Variants in BRINP1 observed in about 807,000 individuals in gnomAD.
BRINP1 encodes the protein BMP/retinoic acid-inducible neural-specific protein 1.
In BRINP1, 17 loss-of-function variants were observed where a neutral mutation model predicts 72.9. The ratio of observed to expected loss-of-function variants is 0.23; its 90% CI spans 0.16 to 0.35. The LOEUF (loss-of-function observed/expected upper bound fraction) is 0.35. BRINP1 is among the 10% of genes least tolerant of loss of function. BRINP1 has a pLI of 1.00. For missense variants in BRINP1, 850 were observed against 1,001.6 expected (o/e 0.85, Z 2.04); for synonymous variants, 418 against 378.5 (o/e 1.10, Z -1.21).
rs1829498854 is a variant in BRINP1, at chr9:119,177,163, T to C, written c.1146-8939A>G. Among the ~76,000 whole-genome samples, 11 of 152,274 alleles carry C rather than the reference T, an allele frequency of 7.2e-5. No individual in the cohort carries two copies. In the South Asian group the frequency reaches 2.1e-3, roughly 29 times the overall value. ...ATATTCATATTTTTCTTGTTAGTTTTCATTTAAAAAAGGAAAAACAAACTT... is the reference window on the plus strand; with the variant it reads ...ATATTCATATTTTTCTTGTTAGTTTCCATTTAAAAAAGGAAAAACAAACTT... On this transcript the variant is annotated intron_variant, in intron 7 of 7. Coordinates refer to ENST00000265922, the MANE Select transcript of BRINP1 (RefSeq NM_014618.3).
chr9:119,265,604 AAAAC>A (rs200640638), intron 2 of BRINP1, among the ~76,000 whole-genome samples: 62 of 152,152 alleles, frequency 4.1e-4, no homozygotes, highest in Admixed American at 2.0e-3. Flanking sequence ...CTCAATTACC[AAAAC>A]AAACAAACAA....
In BRINP1 at chr9:119,368,246, C is replaced by G. The variant is rs557388620; in HGVS notation, c.-51+810G>C. 7.9e-5 allele frequency among the ~76,000 whole-genome samples: 12 copies of G among 152,176 alleles called. No individual in the cohort carries two copies. The highest frequency in any genetic ancestry group is 2.0e-4 in the Admixed American group (3 of 15,284). Reference sequence around the variant, plus strand: ...TCCAAGCCCCAGATAAGGAGCCCACCGCTGACTTCCCCCTTTCTCTGTCAC... The same window carrying G: ...TCCAAGCCCCAGATAAGGAGCCCACGGCTGACTTCCCCCTTTCTCTGTCAC... On this transcript the variant is annotated intron_variant, in intron 1 of 7. Coordinates refer to ENST00000265922, the MANE Select transcript of BRINP1 (RefSeq NM_014618.3). The surrounding 1 kb of genome is among the most constrained non-coding windows in gnomAD (Gnocchi z 4.7).
rs1184936193 is a variant in BRINP1, at chr9:119,235,299, T to G, written c.685+3356A>C. On this transcript the variant is annotated intron_variant, in intron 5 of 7. Transcript: ENST00000265922. Reference sequence around the variant, plus strand: ...TGTGCTGCAGAAGCCTTCTAGGACTTGAAAGATTATCTTGTCTTTCTCACC... The same window carrying G: ...TGTGCTGCAGAAGCCTTCTAGGACTGGAAAGATTATCTTGTCTTTCTCACC... Among the ~76,000 whole-genome samples the G allele has an allele frequency of 2.6e-5, 4 of 152,358 alleles. No homozygotes were observed. The East Asian group carries it at 7.7e-4, about 29-fold the overall frequency.
At chr9:119,205,475 CAGA>C (rs1283970409) in intron 7 of BRINP1, among the ~76,000 whole-genome samples, 7 of 152,098 alleles carry the variant, frequency 4.6e-5, no homozygotes, top group Non-Finnish European at 8.8e-5. Flanking sequence ...TGACGACTTG[CAGA>C]AGGAGAGCAG....
intron 7 of BRINP1, among the ~76,000 whole-genome samples, chr9:119,199,311 A>G (rs1829778842): frequency 6.6e-6 from 1 of 152,228 alleles, no homozygotes; most frequent in African/African-American, 2.4e-5. Flanking sequence ...AATCAAAATC[A>G]GTATGAATAT....
Position 119,308,275 on chromosome 9 carries a change from A to G in BRINP1, c.218+4863T>C, listed in dbSNP as rs868605808. On this transcript the variant is annotated intron_variant, in intron 2 of 7. Transcript: ENST00000265922. ...TTCGACTACTTTATGCCACACTAATAGAAATCTAGCTCTTTTACTGCATGA... is the reference window on the plus strand; with the variant it reads ...TTCGACTACTTTATGCCACACTAATGGAAATCTAGCTCTTTTACTGCATGA... Among the ~76,000 whole-genome samples, 4 of 152,342 alleles carry G rather than the reference A, an allele frequency of 2.6e-5. No individual in the cohort carries two copies. In the South Asian group the frequency reaches 6.2e-4, roughly 24 times the overall value.
At position 119,168,789 on chromosome 9, in the gene BRINP1, CATG is replaced by C. The variant is rs1447339252; in HGVS notation, c.1146-568_1146-566del. Reference sequence around the variant, plus strand: ...TCTATTGATGATCTTACATGATCCTCATGGTGGTTTTTTAGAACATGTTAGAAA... The same window carrying C: ...TCTATTGATGATCTTACATGATCCTCGTGGTTTTTTAGAACATGTTAGAAA... On this transcript the variant is annotated intron_variant, in intron 7 of 7. Transcript: ENST00000265922. 3.3e-5 allele frequency among the ~76,000 whole-genome samples: 5 copies of C among 152,154 alleles called. No individual in the cohort carries two copies. In the East Asian group the frequency reaches 9.7e-4, roughly 29 times the overall value.
intron 2 of BRINP1, among the ~76,000 whole-genome samples, chr9:119,307,417 A>G (rs749841282): frequency 2.0e-4 from 31 of 152,126 alleles, no homozygotes; most frequent in Admixed American, 1.3e-4. Context: ...TCTGCCCTCT[A>G]TTGAGGTTTG....
intron 2 of BRINP1, among the ~76,000 whole-genome samples, chr9:119,269,860 TA>T (rs869067412): frequency 1.3e-4 from 4 of 30,918 alleles, no homozygotes; most frequent in Admixed American, 5.6e-4. Context: ...GATACATTAA[TA>T]AAAAAAAATT....
intron 2 of BRINP1, among the ~76,000 whole-genome samples, chr9:119,270,216 C>G (rs1172981853): frequency 6.6e-6 from 1 of 152,064 alleles, no homozygotes; most frequent in Admixed American, 6.5e-5. Flanking sequence ...GGGGAGAAAA[C>G]AAGGGACTGA....
At chr9:119,329,600 T>C (rs1052962429) in intron 1 of BRINP1, among the ~76,000 whole-genome samples, 2 of 152,192 alleles carry the variant, frequency 1.3e-5, no homozygotes, top group Non-Finnish European at 2.9e-5. Context: ...CCAGTAAAAC[T>C]TCATGCTGCC....
chr9:119,198,745 C>T (rs1036982412), intron 7 of BRINP1, among the ~76,000 whole-genome samples: 5 of 151,268 alleles, frequency 3.3e-5, no homozygotes, highest in Non-Finnish European at 7.4e-5. Flanking sequence ...GATCTTGGCT[C>T]ACTGCAATCT....
At chr9:119,175,385 A>C (rs1829475179) in intron 7 of BRINP1, among the ~76,000 whole-genome samples, 1 of 151,964 alleles carries the variant, frequency 6.6e-6, no homozygotes, top group South Asian at 2.1e-4. Flanking sequence ...TTGGGGGGCT[A>C]GGGGAGAGAT....
chr9:119,250,028 GGGAA>G (rs1207575861), intron 2 of BRINP1, among the ~76,000 whole-genome samples: 2 of 127,806 alleles, frequency 1.6e-5, no homozygotes, highest in African/African-American at 2.9e-5. Flanking sequence ...GAGGGAAGGA[GGGAA>G]GGAAGGAAGG....
At chr9:119,290,319 A>G (rs1830808994) in intron 2 of BRINP1, among the ~76,000 whole-genome samples, 1 of 152,230 alleles carries the variant, frequency 6.6e-6, no homozygotes. Flanking sequence ...ACAGACAGAC[A>G]TAGAGTCTGA....
At position 119,167,084 on chromosome 9, in the gene BRINP1, T is replaced by C. The variant is rs1189803403; in HGVS notation, c.2286A>G (p.Ter762=). The change falls in exon 8 of 8, where the codon TAA becomes TAG. Residue 762 remains the stop codon, a stop_retained_variant. Coordinates refer to ENST00000265922, the MANE Select transcript of BRINP1 (RefSeq NM_014618.3). The surrounding 1 kb of genome is among the most constrained non-coding windows in gnomAD (Gnocchi z 4.3). ...AAAGTCCATGGCAAGGAGTCCCGGG[T>C]TAGCAGAGTTTGGCTGTCATCTGGT... is the stretch of plus-strand genomic sequence containing the variant. ...QSDQMTAKLC[*] is the part of the protein sequence containing the mutation. 1 of 1,594,372 alleles carries C rather than the reference T, an allele frequency of 6.3e-7. No individual in the cohort carries two copies. Among genetic ancestry groups the C allele is most frequent in the Non-Finnish European group, 8.6e-7 (1 of 1,167,538 alleles).
intron 2 of BRINP1, among the ~76,000 whole-genome samples, chr9:119,309,811 G>T (rs566639065): frequency 6.6e-6 from 1 of 152,204 alleles, no homozygotes; most frequent in South Asian, 2.1e-4. Flanking sequence ...AGGGGGCGTG[G>T]GTTATGTGGG....
At chr9:119,175,024 G>A (rs1428431069) in intron 7 of BRINP1, among the ~76,000 whole-genome samples, 41 of 147,600 alleles carry the variant, frequency 2.8e-4, no homozygotes, top group Admixed American at 1.1e-3. Context: ...GCTAGATGAC[G>A]AGTTAGTGGG....
intron 1 of BRINP1, among the ~76,000 whole-genome samples, chr9:119,354,518 G>C (rs748348038): frequency 6.6e-6 from 1 of 152,062 alleles, no homozygotes; most frequent in Non-Finnish European, 1.5e-5. Flanking sequence ...CGAATCTCAG[G>C]CTTCATTTTA....
Sources: gnomAD v4.1 joint callset for allele counts (sites outside exome capture counted in the v4.1 genomes callset) on GRCh38, gnomAD v4.1.1 for gene constraint, Gnocchi (gnomAD v3.1) non-coding constraint, MANE v1.5 for transcripts, NCBI Gene and HGNC (gene_info 2026-07-23, HGNC 2026-07-21) for gene names.